CTNNA3: variants seen among roughly 807,000 people sequenced by gnomAD.
CTNNA3 encodes the protein catenin alpha-3.
Under a neutral mutation model 95.7 loss-of-function variants are expected in CTNNA3, and 76 were observed. The ratio of observed to expected loss-of-function variants is 0.79; its 90% CI spans 0.66 to 0.96. The LOEUF is 0.96. Among genes scored for constraint, CTNNA3 ranks in the 40% least tolerant of loss-of-function variants. CTNNA3 has a pLI of 0.00. For synonymous variants in CTNNA3, 431 were observed against 374.4 expected (o/e 1.15, Z -1.74); for missense variants, 1,191 against 1,089.8 (o/e 1.09, Z -1.31).
At chr10:66,355,739 AT>A (rs71035125) in intron 12 of CTNNA3, among the ~76,000 whole-genome samples, 79,686 of 151,590 alleles carry the variant, frequency 0.53, 22,770 homozygotes, top group Non-Finnish European at 0.64. Context: ...TCAAATTATA[AT>A]TTTTTTATGT....
At chr10:66,288,596 T>G (rs1197009147) in intron 12 of CTNNA3, among the ~76,000 whole-genome samples, 1 of 152,154 alleles carries the variant, frequency 6.6e-6, no homozygotes, top group Admixed American at 6.6e-5. Context: ...ATTAAACATT[T>G]ATTTCCTTAG....
chr10:67,491,493 C>T (rs1848647819), intron 5 of CTNNA3, among the ~76,000 whole-genome samples: 1 of 152,138 alleles, frequency 6.6e-6, no homozygotes, highest in Admixed American at 6.5e-5. Flanking sequence ...ACATATGCAA[C>T]TGAAGTACAA....
chr10:67,624,440 T>A (rs1265922977), intron 2 of CTNNA3, among the ~76,000 whole-genome samples: 1 of 152,130 alleles, frequency 6.6e-6, no homozygotes, highest in Admixed American at 6.6e-5. Context: ...TTGACACATT[T>A]CCCCTATCTC....
chr10:66,879,214 T>C (rs974307964), intron 7 of CTNNA3, among the ~76,000 whole-genome samples: 1 of 152,122 alleles, frequency 6.6e-6, no homozygotes, highest in Non-Finnish European at 1.5e-5. Context: ...AGACATTGAT[T>C]TAAAGCATAA....
chr10:67,133,306 G>GATATATAT (rs56800232), intron 7 of CTNNA3, among the ~76,000 whole-genome samples: 1,540 of 97,688 alleles, frequency 0.016, 112 homozygotes, highest in African/African-American at 0.044. Context: ...CATATTGCCT[G>GATATATAT]ATATATATAT....
chr10:66,137,644 G>A (rs912416467), intron 13 of CTNNA3, among the ~76,000 whole-genome samples: 8 of 152,182 alleles, frequency 5.3e-5, no homozygotes, highest in African/African-American at 1.9e-4. Flanking sequence ...GAGATACGCG[G>A]AACAGCAAAA....
intron 5 of CTNNA3, among the ~76,000 whole-genome samples, chr10:67,398,860 C>T (rs1224622973): frequency 3.3e-5 from 5 of 152,222 alleles, no homozygotes; most frequent in Non-Finnish European, 2.9e-5. Context: ...CCTGTCTCCA[C>T]GTGAAGAAGG....
intron 10 of CTNNA3, among the ~76,000 whole-genome samples, chr10:66,583,340 T>C (rs897106273): frequency 6.6e-6 from 1 of 151,492 alleles, no homozygotes; most frequent in Admixed American, 6.6e-5. Flanking sequence ...TTTTTCTAAA[T>C]TACTGATTAA....
intron 11 of CTNNA3, among the ~76,000 whole-genome samples, chr10:66,445,305 C>T (rs1281243289): frequency 6.6e-6 from 1 of 152,094 alleles, no homozygotes; most frequent in Admixed American, 6.6e-5. Flanking sequence ...TTGAACTCAG[C>T]TCTGCACCAA....
intron 7 of CTNNA3, among the ~76,000 whole-genome samples, chr10:67,024,089 G>A (rs1853199444): frequency 6.6e-6 from 1 of 152,184 alleles, no homozygotes; most frequent in Non-Finnish European, 1.5e-5. Flanking sequence ...GCCTCACTGA[G>A]CTAAAGTCAA....
At chr10:66,896,375 G>T (rs1473377497) in intron 7 of CTNNA3, among the ~76,000 whole-genome samples, 2 of 152,122 alleles carry the variant, frequency 1.3e-5, no homozygotes, top group East Asian at 3.9e-4. Flanking sequence ...TACATAACAA[G>T]TTTAGGGGGT....
At chr10:67,645,804 T>G (rs3125318) in intron 2 of CTNNA3, among the ~76,000 whole-genome samples, 2 of 151,694 alleles carry the variant, frequency 1.3e-5, no homozygotes, top group Non-Finnish European at 2.9e-5. Flanking sequence ...ATATCATATA[T>G]AAGTAAATAG....
At chr10:67,472,765 T>C (rs1847876065) in intron 5 of CTNNA3, among the ~76,000 whole-genome samples, 1 of 152,198 alleles carries the variant, frequency 6.6e-6, no homozygotes, top group Admixed American at 6.5e-5. Flanking sequence ...CCAATAAACT[T>C]GCTTTCATTT....
At chr10:66,435,552 A>G (rs751177312) in intron 11 of CTNNA3, among the ~76,000 whole-genome samples, 1 of 151,758 alleles carries the variant, frequency 6.6e-6, no homozygotes, top group Non-Finnish European at 1.5e-5. Context: ...TATTGTGTCT[A>G]TTTGATTCTT....
At chr10:66,002,504 G>A (rs750164904) in intron 15 of CTNNA3, among the ~76,000 whole-genome samples, 7 of 152,158 alleles carry the variant, frequency 4.6e-5, no homozygotes, top group Non-Finnish European at 1.0e-4. Flanking sequence ...ATATTATTCA[G>A]AGTAGCCTAA....
At chr10:67,262,026 T>A in intron 5 of CTNNA3, among the ~76,000 whole-genome samples, 1 of 152,286 alleles carries the variant, frequency 6.6e-6, no homozygotes, top group Non-Finnish European at 1.5e-5. Flanking sequence ...TCAATACACT[T>A]TAATGATGCA....
At chr10:67,314,423 T>C (rs1390821008) in intron 5 of CTNNA3, among the ~76,000 whole-genome samples, 1 of 152,222 alleles carries the variant, frequency 6.6e-6, no homozygotes, top group Non-Finnish European at 1.5e-5. Context: ...GTGTGTCACA[T>C]ATTGCCACTA....
chr10:66,035,515 T>C (rs920978176), intron 15 of CTNNA3, among the ~76,000 whole-genome samples: 2 of 148,876 alleles, frequency 1.3e-5, no homozygotes, highest in African/African-American at 4.9e-5. Context: ...GAGGGAATAG[T>C]AGGAATAGAG....
At chr10:66,590,564 A>C (rs370773087) in intron 10 of CTNNA3, among the ~76,000 whole-genome samples, 20 of 152,074 alleles carry the variant, frequency 1.3e-4, no homozygotes, top group African/African-American at 4.8e-4. Flanking sequence ...AATATACAAC[A>C]ATGAGAAAAA....
Sources: allele counts gnomAD v4.1 joint callset (sites outside exome capture counted in the v4.1 genomes callset), GRCh38; gene constraint gnomAD v4.1.1; transcripts MANE v1.5; gene names NCBI Gene and HGNC (gene_info 2026-07-23, HGNC 2026-07-21).